ABCD3: variants seen among roughly 807,000 people sequenced by gnomAD.
ABCD3 encodes ATP binding cassette subfamily D member 3, also known as ATP-binding cassette sub-family D member 3.
A neutral mutation model predicts 105.5 loss-of-function variants in ABCD3; 41 were observed. The observed-to-expected ratio is 0.39, with a 90% confidence interval of 0.30 to 0.50. The LOEUF is 0.50. ABCD3 is among the 20% of genes least tolerant of loss of function. The pLI is 0.84. For synonymous variants in ABCD3, 258 were observed against 269.0 expected, an observed-to-expected ratio of 0.96 and a Z score of 0.40; for missense variants, 622 against 806.3, an observed-to-expected ratio of 0.77 and a Z score of 2.77.
intron 4 of ABCD3, among the ~76,000 whole-genome samples, chr1:94,468,230 G>C (rs1021892347): frequency 6.6e-6 from 1 of 152,180 alleles, no homozygotes; most frequent in Admixed American, 6.5e-5. Flanking sequence ...AGGAGAAACT[G>C]TACCAAGCCT....
At chr1:94,471,547 A>G (rs1006005603) in intron 4 of ABCD3, among the ~76,000 whole-genome samples, 3 of 151,946 alleles carry the variant, frequency 2.0e-5, no homozygotes, top group Non-Finnish European at 2.9e-5. Flanking sequence ...TTATATTCTT[A>G]ACCCACATTC....
At chr1:94,428,104 A>G (rs1188346576) in intron 1 of ABCD3, among the ~76,000 whole-genome samples, 4 of 149,850 alleles carry the variant, frequency 2.7e-5, no homozygotes, top group Non-Finnish European at 5.9e-5. Flanking sequence ...TTTTTTTGCC[A>G]CAAGATTGAG....
chr1:94,388,808 TG>T, the ABCD3 span, among the ~76,000 whole-genome samples: 1 of 152,110 alleles, frequency 6.6e-6, no homozygotes, highest in Non-Finnish European at 1.5e-5. Context: ...AGTGAGAGTC[TG>T]GAGGAGTAAA....
chr1:94,398,910 G>C, the ABCD3 span, among the ~76,000 whole-genome samples: 1 of 151,786 alleles, frequency 6.6e-6, no homozygotes, highest in South Asian at 2.1e-4. Context: ...GACAGAGTGA[G>C]ACTCCGTCTC....
At chr1:94,428,065 A>T (rs1659532976) in intron 1 of ABCD3, among the ~76,000 whole-genome samples, 2 of 150,452 alleles carry the variant, frequency 1.3e-5, no homozygotes, top group African/African-American at 4.9e-5. Flanking sequence ...GTATGCTAAA[A>T]GGTGTTTTGT....
In ABCD3 at chr1:94,473,811, C is replaced by A; in HGVS notation, c.381C>A (p.Leu127=). 6.2e-7 allele frequency: 1 copy of A among 1,612,698 alleles called. No individual in the cohort carries two copies. Among genetic ancestry groups the A allele is most frequent in the South Asian group, 1.1e-5 (1 of 91,004 alleles). Residue 127 remains leucine, a synonymous_variant, in exon 5 of 23, where the codon CTC becomes CTA. Coordinates refer to ENST00000370214, the MANE Select transcript of ABCD3 (RefSeq NM_002858.4). ...RSRKDFKRYL[L]NFIAAMPLIS... ...GGAAAGATTTCAAGAGATACTTACTCAACTTCATCGCTGCCATGCCTCTTG... is the reference window on the plus strand; with the variant it reads ...GGAAAGATTTCAAGAGATACTTACTAAACTTCATCGCTGCCATGCCTCTTG...
chr1:94,503,898 A>G lies in ABCD3; in HGVS notation c.1741-2640A>G, dbSNP rs1650224703. The stretch of plus-strand genomic sequence containing the variant: ...ACTGCAACCTTCACCTCTCAGGTAC[A>G]AGTGATTCTTTTTTTTTTTTTTTTT... On this transcript the variant is annotated intron_variant, in intron 20 of 22. Coordinates refer to ENST00000370214, the MANE Select transcript of ABCD3 (RefSeq NM_002858.4). Among the ~76,000 whole-genome samples, 4 of 147,314 alleles carry G rather than the reference A, an allele frequency of 2.7e-5. No homozygotes were observed. In the South Asian group the frequency reaches 8.6e-4, roughly 32 times the overall value.
intron 1 of ABCD3, among the ~76,000 whole-genome samples, chr1:94,458,062 A>G (rs761122051): frequency 6.6e-6 from 1 of 152,194 alleles, no homozygotes; most frequent in Non-Finnish European, 1.5e-5. Context: ...AGCCTAGACT[A>G]GTAGTCAGAA....
chr1:94,418,810 G>A (rs895085862), intron 1 of ABCD3: 5 of 576,414 alleles, frequency 8.7e-6, no homozygotes, highest in African/African-American at 3.9e-5. Context: ...TCCACCCCGG[G>A]AGTGCGAATT....
intron 4 of ABCD3, among the ~76,000 whole-genome samples, chr1:94,472,533 G>C (rs1570789791): frequency 6.6e-6 from 1 of 151,466 alleles, no homozygotes; most frequent in East Asian, 1.9e-4. Context: ...TCAGTCTAAA[G>C]GAACATTTCC....
chr1:94,461,729 G>C (rs1382634164), intron 2 of ABCD3, among the ~76,000 whole-genome samples: 1 of 151,958 alleles, frequency 6.6e-6, no homozygotes, highest in Non-Finnish European at 1.5e-5. Flanking sequence ...TGTACATCAG[G>C]TTGTTTTTAA....
chr1:94,427,887 A>G (rs1361267265), intron 1 of ABCD3, among the ~76,000 whole-genome samples: 3 of 152,210 alleles, frequency 2.0e-5, no homozygotes, highest in African/African-American at 7.2e-5. Context: ...GGCTTTCATC[A>G]TAACATTCTT....
intron 15 of ABCD3, 129 bp downstream of exon 15, chr1:94,490,104 A>G: frequency 1.3e-6 from 1 of 788,232 alleles, no homozygotes; most frequent in East Asian, 2.6e-5. Flanking sequence ...GCTTAGAGGT[A>G]TCATTGACCT....
upstream of ABCD3, among the ~76,000 whole-genome samples, chr1:94,418,182 A>G (rs1659095182): frequency 6.6e-6 from 1 of 152,184 alleles, no homozygotes; most frequent in Non-Finnish European, 1.5e-5. Flanking sequence ...AGGGCTGAGT[A>G]GCAACAGCTC....
intron 20 of ABCD3, among the ~76,000 whole-genome samples, chr1:94,505,105 T>C (rs937392855): frequency 2.0e-5 from 3 of 152,212 alleles, no homozygotes; most frequent in Admixed American, 6.6e-5. Context: ...AAATTACATT[T>C]GAGTTTTAGA....
At chr1:94,452,722 G>GT (rs201578949) in intron 1 of ABCD3, among the ~76,000 whole-genome samples, 1,547 of 150,220 alleles carry the variant, frequency 0.01, 29 homozygotes, top group African/African-American at 0.034. Context: ...GGTTTTTTTT[G>GT]TTTTTTTTTG....
chr1:94,506,695 A>G (rs1650367315), intron 21 of ABCD3, 53 bp downstream of exon 21: 1 of 1,295,566 alleles, frequency 7.7e-7, no homozygotes, highest in African/African-American at 1.5e-5. Flanking sequence ...CCTAGTGTAA[A>G]CTATGTCCAA....
At chr1:94,398,438 A>G in the ABCD3 span, among the ~76,000 whole-genome samples, 1 of 152,338 alleles carries the variant, frequency 6.6e-6, no homozygotes, top group South Asian at 2.1e-4. Context: ...CATAAGTAGA[A>G]TACACTGATT....
At chr1:94,475,416 A>G (rs2100996626) in intron 6 of ABCD3, among the ~76,000 whole-genome samples, 176 bp downstream of exon 6, 1 of 152,276 alleles carries the variant, frequency 6.6e-6, no homozygotes, top group East Asian at 1.9e-4. Context: ...TGGCTCTTCC[A>G]TTAATTGACA....
Sources: allele counts gnomAD v4.1 joint callset (sites outside exome capture counted in the v4.1 genomes callset), GRCh38; gene constraint gnomAD v4.1.1; transcripts MANE v1.5; gene names NCBI Gene and HGNC (gene_info 2026-07-23, HGNC 2026-07-21).